The following GLUL variants were observed in gnomAD, a reference collection of about 807,000 sequenced individuals.
GLUL encodes the protein glutamine synthetase.
A neutral mutation model predicts 36.9 loss-of-function variants in GLUL; 8 were observed. That is an observed-to-expected ratio of 0.22 (90% CI 0.13 to 0.39). The LOEUF (loss-of-function observed/expected upper bound fraction) is 0.39. Ranked by LOEUF, GLUL falls within the 10% of genes least tolerant of loss-of-function variation. The pLI is 1.00. For missense variants in GLUL, 315 were observed against 501.8 expected (o/e 0.63, Z 3.56); for synonymous variants, 182 against 172.8 (o/e 1.05, Z -0.42).
In GLUL at chr1:182,386,058, G is replaced by A. The variant is rs540769669; in HGVS notation, c.476-171C>T. The stretch of plus-strand genomic sequence containing the variant: ...GGAGTTCCTCTTCACCACAGCTTCA[G>A]TGGGGCCAAACGTTCCCCCTAAAAC... On this transcript the variant is annotated intron_variant, in intron 4 of 6. Coordinates refer to ENST00000331872, the MANE Select transcript of GLUL (RefSeq NM_001033044.4). 1.3e-5 allele frequency: 11 copies of A among 872,292 alleles called. No individual in the cohort carries two copies. The African/African-American group carries it at 1.7e-4, about 13-fold the overall frequency. The allele number at this position is 872,292 out of a possible 1,614,324, so 54.0% of individuals were successfully genotyped here.
At chr1:182,391,183 G>C (rs1650401998) in intron 1 of GLUL, 1 of 398,550 alleles carries the variant, frequency 2.5e-6, no homozygotes, top group East Asian at 3.6e-5. Flanking sequence ...ACCGTTACAC[G>C]CCGCAATCGA....
intron 6 of GLUL, chr1:182,385,009 G>GA (rs1650110372): frequency 2.5e-6 from 1 of 398,316 alleles, no homozygotes; most frequent in Non-Finnish European, 4.5e-6. Context: ...TCAAATGCAT[G>GA]AATTTGTCAA....
intron 1 of GLUL, chr1:182,389,104 C>T (rs896715680): frequency 5.8e-6 from 2 of 346,054 alleles, no homozygotes; most frequent in Non-Finnish European, 1.1e-5. Context: ...GGCTTCCAAG[C>T]TAGAACTTAT....
In GLUL at chr1:182,385,423, T is replaced by C. The variant is rs779814606; in HGVS notation, c.737A>G (p.Asn246Ser). Reference protein sequence around the residue: ...ATFDPKPIPGNWNGAGCHTNF... With the variant: ...ATFDPKPIPGSWNGAGCHTNF... ...GGTATGGCAGCCTGCACCATTCCAGTTCCCAGGAATGGGCTTAGGATCAAA... is the reference window on the plus strand; with the variant it reads ...GGTATGGCAGCCTGCACCATTCCAGCTCCCAGGAATGGGCTTAGGATCAAA... Residue 246 changes from asparagine to serine, a missense_variant, in exon 6 of 7, where the codon AAC (asparagine) becomes AGC (serine). By Grantham distance (46) the Asn-to-Ser change is conservative. Transcript: ENST00000331872. 2 of 1,613,582 alleles carry C rather than the reference T, an allele frequency of 1.2e-6. No individual in the cohort carries two copies. Among genetic ancestry groups the C allele is most frequent in the Non-Finnish European group, 1.7e-6 (2 of 1,179,516 alleles).
At chr1:182,390,554 T>C (rs1294809346) in intron 1 of GLUL, 2 of 399,050 alleles carry the variant, frequency 5.0e-6, no homozygotes, top group Non-Finnish European at 8.8e-6. Flanking sequence ...CCTTCTCTTT[T>C]TGGAGTGGCG....
rs549137282 is a variant in GLUL at position 182,390,721 on chromosome 1, C to T, written c.-14+958G>A. The T allele has an allele frequency of 8.3e-5, 33 of 399,086 alleles. No homozygotes were observed. Among genetic ancestry groups the T allele is most frequent in the Non-Finnish European group, 1.1e-4 (25 of 226,104 alleles). 24.7% of individuals were successfully genotyped at this position (399,086 alleles called of 1,614,324 possible). On this transcript the variant is annotated intron_variant, in intron 1 of 6. Transcript: ENST00000331872. ...TCTTAATCTTGACTCGAGATCTCTC[C>T]CCGGAGTTCACAGAGTAGGCGACGA...
intron 2 of GLUL, 34 bp from the exon 3 acceptor site, chr1:182,387,326 CAT>C (rs932917304): frequency 6.5e-7 from 1 of 1,538,168 alleles, no homozygotes; most frequent in African/African-American, 1.4e-5. Flanking sequence ...ACATTTAAAA[CAT>C]ACAGGAGCTT....
intron 6 of GLUL, chr1:182,385,114 CAA>C (rs1650117145): frequency 2.8e-6 from 1 of 362,246 alleles, no homozygotes; most frequent in Admixed American, 4.2e-5. Flanking sequence ...TAAATTATAA[CAA>C]ATATTTATCA....
In GLUL at chr1:182,386,413, G is replaced by A. The variant is rs1020554802; in HGVS notation, c.329-11C>T. ...GCCTCAAATTGGTCTCTAGAAAAAA[G>A]AGTCAATAATACGCCATCAGGGATC... On this transcript the variant is annotated splice_polypyrimidine_tract_variant and intron_variant, in intron 3 of 6. Transcript: ENST00000331872. 34 of 1,597,128 alleles carry A rather than the reference G, an allele frequency of 2.1e-5. No homozygotes were observed. Among genetic ancestry groups the A allele is most frequent in the Non-Finnish European group, 2.9e-5 (34 of 1,164,656 alleles).
intron 2 of GLUL, 25 bp from the exon 3 acceptor site, chr1:182,387,317 C>A (rs1390784783): frequency 6.3e-7 from 1 of 1,580,134 alleles, no homozygotes; most frequent in South Asian, 1.1e-5. Flanking sequence ...GGGAAAATTA[C>A]ATTTAAAACA....
chr1:182,385,785 G>A lies in GLUL; in HGVS notation c.578C>T (p.Thr193Ile). 1 of 1,614,116 alleles carries A rather than the reference G, an allele frequency of 6.2e-7. No individual in the cohort carries two copies. The highest frequency in any genetic ancestry group is 1.1e-5 in the South Asian group (1 of 91,080). The stretch of plus-strand genomic sequence containing the variant: ...CTGGGCAGGCATGACCTCGGCATTA[G>A]TCCCCGCAATCTTGACTCCAGCATA... ...CLYAGVKIAG[T>I]NAEVMPAQWE... The change falls in exon 5 of 7, where the codon ACT becomes ATT. Residue 193 changes from threonine (T) to isoleucine (I), a missense_variant. Physicochemically the swap from Thr to Ile is moderately conservative, Grantham distance 89. Around this residue, in one of 3 missense-constraint regions of GLUL, gnomAD observed 256 missense variants for 396.1 expected, o/e 0.65. Transcript: ENST00000331872.
At chr1:182,389,876 C>G (rs1650335687) in intron 1 of GLUL, 1 of 152,348 alleles carries the variant, frequency 6.6e-6, no homozygotes, top group Admixed American at 6.5e-5. Flanking sequence ...CACCCTTCCC[C>G]TTGGGGAAGA....
At chr1:182,390,934 GC>G in intron 1 of GLUL, 3 of 398,196 alleles carry the variant, frequency 7.5e-6, no homozygotes, top group Non-Finnish European at 1.3e-5. Flanking sequence ...TGGGCGCCCT[GC>G]CCCTCGGGCC....
rs1466731874 is a variant in GLUL at position 182,378,325 on chromosome 1, T to C, written c.*6080A>G. 6.6e-6 allele frequency among the ~76,000 whole-genome samples: 1 copy of C among 152,186 alleles called. No individual in the cohort carries two copies. The highest frequency in any genetic ancestry group is 1.5e-5 in the Non-Finnish European group (1 of 68,024). Reference sequence around the variant, plus strand: ...GGCCCCTGAAAAGTAACTCATCAAATGACAATAGGAACTGTGTGGACACTC... The same window carrying C: ...GGCCCCTGAAAAGTAACTCATCAAACGACAATAGGAACTGTGTGGACACTC... On this transcript the variant is annotated 3_prime_UTR_variant, in exon 7 of 7. Transcript: ENST00000331872.
rs1649901239 is a variant in GLUL at position 182,380,809 on chromosome 1, AC to A, written c.*3595del. Among the ~76,000 whole-genome samples, 1 of 152,254 alleles carries A rather than the reference AC, an allele frequency of 6.6e-6. No homozygotes were observed. The highest frequency in any genetic ancestry group is 1.5e-5 in the Non-Finnish European group (1 of 68,042). On this transcript the variant is annotated 3_prime_UTR_variant, in exon 7 of 7. Coordinates refer to ENST00000331872, the MANE Select transcript of GLUL (RefSeq NM_001033044.4). ...GGATCTCTTGCTTTCATGAAGTTCAACTAGAAAGTCCTGTCGAATGATGAGA... is the reference window on the plus strand; with the variant it reads ...GGATCTCTTGCTTTCATGAAGTTCAATAGAAAGTCCTGTCGAATGATGAGA...
In GLUL at chr1:182,380,450, G is replaced by A. The variant is rs1389657164; in HGVS notation, c.*3955C>T. On this transcript the variant is annotated 3_prime_UTR_variant, in exon 7 of 7. Transcript: ENST00000331872. ...AGCCTCCTGATAGCTGAGACTACAG[G>A]CGTGCAATTTAAAAAAAAATTATTT... Among the ~76,000 whole-genome samples the A allele has an allele frequency of 6.6e-6, 1 of 152,104 alleles. No individual in the cohort carries two copies. Among genetic ancestry groups the A allele is most frequent in the African/African-American group, 2.4e-5 (1 of 41,424 alleles).
chr1:182,386,084 CTTACT>C (rs887756820), intron 4 of GLUL, 167 bp downstream of exon 4: 5 of 880,228 alleles, frequency 5.7e-6, no homozygotes, highest in African/African-American at 1.7e-5. Context: ...CCCCTAAAAC[CTTACT>C]TTATATATTC....
rs1311388200 is a variant in GLUL, at chr1:182,385,862, T to C, written c.501A>G (p.Ala167=). Residue 167 remains alanine, a synonymous_variant, in exon 5 of 7, where the codon GCA becomes GCG. Coordinates refer to ENST00000331872, the MANE Select transcript of GLUL (RefSeq NM_001033044.4). ...CGATGTCCCTGCCATAGGCTCTGTC[T>C]GCTCCCACACCACAGTAATATGGAC... ...PQGPYYCGVG[A]DRAYGRDIVE... The C allele has an allele frequency of 1.9e-6, 3 of 1,613,824 alleles. No homozygotes were observed. The East Asian group carries it at 6.7e-5, about 36-fold the overall frequency.
In GLUL at chr1:182,383,505, T is replaced by C. The variant is rs899859074; in HGVS notation, c.*900A>G. 2 of 152,136 alleles carry C rather than the reference T, an allele frequency of 1.3e-5. No homozygotes were observed. Among genetic ancestry groups the C allele is most frequent in the South Asian group, 4.1e-4 (2 of 4,820 alleles). 9.4% of individuals were successfully genotyped at this position (152,136 alleles called of 1,614,324 possible). ...ACGTGTTGTCTGTTAACTAATCCAG[T>C]GCCCACCTTCTCCAGAGGGTGGGCA... On this transcript the variant is annotated 3_prime_UTR_variant, in exon 7 of 7. Transcript: ENST00000331872.
Sources: gnomAD v4.1 joint callset for allele counts (sites outside exome capture counted in the v4.1 genomes callset) on GRCh38, gnomAD v4.1.1 for gene constraint, gnomAD v4.1.1 regional missense constraint, MANE v1.5 for transcripts, NCBI Gene and HGNC (gene_info 2026-07-23, HGNC 2026-07-21) for gene names.